Variants in TENM3 observed in about 807,000 individuals in gnomAD.
TENM3 encodes teneurin-3.
Under a neutral mutation model 255.1 loss-of-function variants are expected in TENM3, and 63 were observed. That is an observed-to-expected ratio of 0.25 (90% CI 0.20 to 0.30). TENM3 has a LOEUF of 0.30. TENM3 is among the 10% of genes least tolerant of loss of function. TENM3 has a pLI of 1.00. For missense variants in TENM3, 2,929 were observed against 3,461.1 expected (o/e 0.85, Z 3.86); for synonymous variants, 1,306 against 1,322.3 (o/e 0.99, Z 0.27).
intron 6 of TENM3, among the ~76,000 whole-genome samples, chr4:182,656,191 G>A (rs1329381800): frequency 6.6e-6 from 1 of 152,188 alleles, no homozygotes; most frequent in Non-Finnish European, 1.5e-5. Flanking sequence ...GGAAGCCCCA[G>A]AATCAGTTAA....
rs188788795 is a variant in TENM3 at position 182,192,664 on chromosome 4, A to G, written c.-76+47910A>G. Reference sequence around the variant, plus strand: ...ATTCTCACTTTGCAGTGTGGTTTCCATTTATTCCCTAGGGTGTTTATGCAT... The same window carrying G: ...ATTCTCACTTTGCAGTGTGGTTTCCGTTTATTCCCTAGGGTGTTTATGCAT... On this transcript the variant is annotated intron_variant, in intron 1 of 2. Transcript: ENST00000512480. Among the ~76,000 whole-genome samples, 722 of 152,264 alleles carry G rather than the reference A, an allele frequency of 4.7e-3. 1 individual carries two copies. Among genetic ancestry groups the G allele is most frequent in the Middle Eastern group, 0.027 (8 of 294 alleles).
chr4:182,697,055 C>T (rs1047299785), intron 12 of TENM3, among the ~76,000 whole-genome samples: 3 of 152,112 alleles, frequency 2.0e-5, no homozygotes, highest in Non-Finnish European at 4.4e-5. Context: ...TTAAATGGGT[C>T]AGGTCATGTG....
At chr4:181,508,344 A>C in the TENM3 span, among the ~76,000 whole-genome samples, 3 of 151,978 alleles carry the variant, frequency 2.0e-5, no homozygotes, top group Non-Finnish European at 4.4e-5. Context: ...ACTCAGTTTC[A>C]CTCTCTTTTG....
the TENM3 span, among the ~76,000 whole-genome samples, chr4:181,448,396 C>T: frequency 2.6e-5 from 4 of 151,346 alleles, no homozygotes; most frequent in Non-Finnish European, 5.9e-5. Context: ...TGGTCTCGAT[C>T]TCCTGACCTC....
the TENM3 span, among the ~76,000 whole-genome samples, chr4:181,833,437 G>T: frequency 6.6e-6 from 1 of 152,108 alleles, no homozygotes; most frequent in African/African-American, 2.4e-5. Flanking sequence ...AAAATGCTGA[G>T]TTATCTAACT....
chr4:181,641,578 A>ATATATATATATG, the TENM3 span, among the ~76,000 whole-genome samples: 1 of 85,638 alleles, frequency 1.2e-5, no homozygotes, highest in African/African-American at 4.3e-5. Context: ...ATATATATAT[A>ATATATATATATG]TATATATATA....
the TENM3 span, among the ~76,000 whole-genome samples, chr4:181,582,669 C>CAAAAAAAAAAAAAAAAGAAAAAAAAAA: frequency 8.0e-5 from 10 of 124,748 alleles, no homozygotes; most frequent in Admixed American, 1.7e-4. Context: ...CAAAACAAAT[C>CAAAAAAAAAAAAAAAAGAAAAAAAAAA]AAAAAAAAAA....
the TENM3 span, among the ~76,000 whole-genome samples, chr4:181,985,095 T>C: frequency 1.3e-5 from 2 of 152,202 alleles, no homozygotes; most frequent in East Asian, 1.9e-4. Context: ...TTCACCTGAA[T>C]TGTAGCTCAT....
At chr4:182,782,888 T>TTTTG (rs958083359) in intron 24 of TENM3, among the ~76,000 whole-genome samples, 13 of 151,172 alleles carry the variant, frequency 8.6e-5, no homozygotes, top group Admixed American at 5.9e-4. Flanking sequence ...CCCGGCCTTT[T>TTTTG]TTTGTTTTCC....
chr4:181,834,452 TGG>T, the TENM3 span, among the ~76,000 whole-genome samples: 1 of 152,232 alleles, frequency 6.6e-6, no homozygotes, highest in Non-Finnish European at 1.5e-5. Context: ...ATAAGGGAGC[TGG>T]GCTGCAGGAA....
chr4:182,022,357 C>A, the TENM3 span, among the ~76,000 whole-genome samples: 1 of 151,736 alleles, frequency 6.6e-6, no homozygotes, highest in African/African-American at 2.4e-5. Flanking sequence ...TATACATGGA[C>A]ACACAAATGG....
chr4:182,585,834 A>G (rs905563771), intron 3 of TENM3, among the ~76,000 whole-genome samples: 2 of 152,240 alleles, frequency 1.3e-5, no homozygotes, highest in Admixed American at 1.3e-4. Context: ...AGATCCATGA[A>G]AGACTATCTT....
the TENM3 span, among the ~76,000 whole-genome samples, chr4:181,581,631 T>C: frequency 6.6e-6 from 1 of 152,188 alleles, no homozygotes; most frequent in Admixed American, 6.5e-5. Context: ...AAACAATTCA[T>C]TGGCTCCTCA....
At chr4:182,635,716 A>G (rs17325360) in intron 5 of TENM3, among the ~76,000 whole-genome samples, 42,160 of 152,118 alleles carry the variant, frequency 0.28, 6,953 homozygotes, top group Non-Finnish European at 0.38. Context: ...GCCTGCTAAA[A>G]AGGCTGTTTA....
At chr4:181,558,532 C>A in the TENM3 span, among the ~76,000 whole-genome samples, 16 of 152,314 alleles carry the variant, frequency 1.1e-4, no homozygotes, top group East Asian at 2.5e-3. Flanking sequence ...CTTTCACAAA[C>A]CATTCCATAA....
At chr4:182,536,848 A>G (rs895680825) in intron 3 of TENM3, among the ~76,000 whole-genome samples, 1 of 152,160 alleles carries the variant, frequency 6.6e-6, no homozygotes, top group Non-Finnish European at 1.5e-5. Flanking sequence ...AATTCATGTA[A>G]TATTAGATAT....
the TENM3 span, among the ~76,000 whole-genome samples, chr4:182,007,631 G>C: frequency 2.0e-5 from 3 of 152,058 alleles, no homozygotes; most frequent in African/African-American, 7.2e-5. Context: ...GCATGTAAGA[G>C]GGGTCTCCTA....
the TENM3 span, among the ~76,000 whole-genome samples, chr4:181,934,749 T>C: frequency 2.4e-4 from 36 of 152,282 alleles, no homozygotes; most frequent in African/African-American, 7.7e-4. Context: ...TGGCATAAGA[T>C]TAGTGGAATT....
At chr4:181,596,614 A>AT in the TENM3 span, among the ~76,000 whole-genome samples, 1 of 152,218 alleles carries the variant, frequency 6.6e-6, no homozygotes, top group Non-Finnish European at 1.5e-5. Flanking sequence ...AAAAAGAACT[A>AT]TTTAAAAAAA....
Sources: gnomAD v4.1 joint callset for allele counts (sites outside exome capture counted in the v4.1 genomes callset) on GRCh38, gnomAD v4.1.1 for gene constraint, MANE v1.5 for transcripts, NCBI Gene and HGNC (gene_info 2026-07-23, HGNC 2026-07-21) for gene names.